OPCML: variants seen among roughly 807,000 people sequenced by gnomAD.
The protein encoded by OPCML is opioid binding protein/cell adhesion molecule like, also known as opioid-binding protein/cell adhesion molecule.
A neutral mutation model predicts 37.8 loss-of-function variants in OPCML; 13 were observed. The ratio of observed to expected loss-of-function variants is 0.34; its 90% CI spans 0.22 to 0.55. The LOEUF (loss-of-function observed/expected upper bound fraction) is 0.55, where lower values mean the gene tolerates loss of function less well. Among genes scored for constraint, OPCML ranks in the 20% least tolerant of loss-of-function variants. OPCML has a pLI of 0.91. For missense variants in OPCML, 341 were observed against 435.6 expected (o/e 0.78, Z 1.93); for synonymous variants, 176 against 168.8 (o/e 1.04, Z -0.33).
At chr11:132,618,948 C>T (rs1939208001) in intron 3 of OPCML, among the ~76,000 whole-genome samples, 1 of 122,600 alleles carries the variant, frequency 8.2e-6, no homozygotes, top group South Asian at 2.8e-4. Context: ...CACACAAGCA[C>T]ACGCATACAC....
chr11:132,711,584 A>T (rs1261878204), intron 2 of OPCML, among the ~76,000 whole-genome samples: 1 of 152,222 alleles, frequency 6.6e-6, no homozygotes, highest in Non-Finnish European at 1.5e-5. Flanking sequence ...CATAGCTAGC[A>T]GTTGTCAGTG....
rs954104555 is a variant in OPCML at position 132,633,972 on chromosome 11, C to T, written c.379+23115G>A. On this transcript the variant is annotated intron_variant, in intron 3 of 7. Transcript: ENST00000524381. The stretch of plus-strand genomic sequence containing the variant: ...CCCAGGTTCTTCCTGTCTTTCTTCT[C>T]CAGTGTGTGGCTTGGACCATCACAG... Among the ~76,000 whole-genome samples the T allele has an allele frequency of 2.0e-5, 3 of 152,174 alleles. No individual in the cohort carries two copies. In the East Asian group the frequency reaches 5.8e-4, roughly 29 times the overall value.
At chr11:132,890,565 G>A (rs948103026) in intron 2 of OPCML, among the ~76,000 whole-genome samples, 1 of 151,806 alleles carries the variant, frequency 6.6e-6, no homozygotes, top group Non-Finnish European at 1.5e-5. Context: ...AAGAAAAATG[G>A]GCCAGGCACG....
intron 1 of OPCML, among the ~76,000 whole-genome samples, chr11:133,237,222 T>C (rs1940554315): frequency 6.6e-6 from 1 of 152,204 alleles, no homozygotes; most frequent in Non-Finnish European, 1.5e-5. Flanking sequence ...GTAGACAACA[T>C]TTAGAAAGGT....
At chr11:132,574,412 T>C (rs919742015) in intron 3 of OPCML, among the ~76,000 whole-genome samples, 4 of 151,766 alleles carry the variant, frequency 2.6e-5, no homozygotes, top group Non-Finnish European at 5.9e-5. Flanking sequence ...ACTTTCCTCT[T>C]AGTATTACTT....
chr11:133,193,106 G>A (rs1938391842), intron 1 of OPCML, among the ~76,000 whole-genome samples: 1 of 152,040 alleles, frequency 6.6e-6, no homozygotes. Flanking sequence ...CCTTCTGGTG[G>A]TGGCAAGATC....
rs543202450 is a variant in OPCML, at chr11:133,314,049, C to A, written c.61+218215G>T. On this transcript the variant is annotated intron_variant, in intron 1 of 7. Coordinates refer to ENST00000524381, the MANE Select transcript of OPCML (RefSeq NM_001012393.5). ...AGGAGATCGAGACCATCCCGGCTAACACGGTGAAACCTCGTCTCTACTAAA... is the reference window on the plus strand; with the variant it reads ...AGGAGATCGAGACCATCCCGGCTAAAACGGTGAAACCTCGTCTCTACTAAA... Among the ~76,000 whole-genome samples the A allele has an allele frequency of 1.3e-3, 201 of 151,156 alleles. 4 individuals carry two copies. The highest frequency in any genetic ancestry group is 0.01 in the Middle Eastern group (3 of 292).
At chr11:132,753,793 A>G (rs1195124850) in intron 2 of OPCML, among the ~76,000 whole-genome samples, 1 of 152,184 alleles carries the variant, frequency 6.6e-6, no homozygotes, top group Non-Finnish European at 1.5e-5. Context: ...GCCCATCAAG[A>G]TTATTTCCAC....
chr11:132,537,227 A>T (rs1471492264), intron 3 of OPCML, among the ~76,000 whole-genome samples: 1 of 152,234 alleles, frequency 6.6e-6, no homozygotes, highest in African/African-American at 2.4e-5. Flanking sequence ...AAAAATCAGC[A>T]TAAGGATAGG....
intron 1 of OPCML, among the ~76,000 whole-genome samples, chr11:133,529,758 G>A (rs1453850920): frequency 6.6e-6 from 1 of 152,058 alleles, no homozygotes; most frequent in Non-Finnish European, 1.5e-5. Flanking sequence ...AATCCCTGTG[G>A]GAGAAAAAGC....
At chr11:133,366,419 C>G (rs930208958) in intron 1 of OPCML, among the ~76,000 whole-genome samples, 7 of 152,138 alleles carry the variant, frequency 4.6e-5, no homozygotes, top group African/African-American at 1.7e-4. Flanking sequence ...AAGCTGAACT[C>G]TTCACCCCTT....
At chr11:132,543,759 G>A (rs745817526) in intron 3 of OPCML, among the ~76,000 whole-genome samples, 8 of 151,944 alleles carry the variant, frequency 5.3e-5, no homozygotes, top group Admixed American at 2.0e-4. Flanking sequence ...CATATATACC[G>A]CCACGTTTTT....
chr11:133,068,888 T>C (rs1948480398), intron 1 of OPCML, among the ~76,000 whole-genome samples: 1 of 152,190 alleles, frequency 6.6e-6, no homozygotes, highest in Non-Finnish European at 1.5e-5. Context: ...AAGAGGTAGG[T>C]GGCGTCGGTC....
At chr11:132,458,092 A>G (rs540603257) in intron 4 of OPCML, among the ~76,000 whole-genome samples, 1 of 152,242 alleles carries the variant, frequency 6.6e-6, no homozygotes, top group African/African-American at 2.4e-5. Flanking sequence ...TTCTATCCTG[A>G]GTGGACAGAG....
At chr11:133,356,356 A>T (rs1009540167) in intron 1 of OPCML, among the ~76,000 whole-genome samples, 7 of 152,214 alleles carry the variant, frequency 4.6e-5, no homozygotes, top group Admixed American at 2.0e-4. Flanking sequence ...TCTAACAAAT[A>T]GTTTTGTTGC....
At chr11:132,909,577 A>G (rs981775688) in intron 2 of OPCML, among the ~76,000 whole-genome samples, 3 of 152,182 alleles carry the variant, frequency 2.0e-5, no homozygotes, top group Non-Finnish European at 4.4e-5. Flanking sequence ...GAGCCTCCCA[A>G]CTGACCAGGC....
At chr11:132,557,215 C>T (rs1393405634) in intron 3 of OPCML, among the ~76,000 whole-genome samples, 2 of 152,056 alleles carry the variant, frequency 1.3e-5, no homozygotes, top group South Asian at 2.1e-4. Flanking sequence ...AGATTATGTC[C>T]GTGGGAGCCA....
chr11:132,679,857 C>A (rs916380846), intron 2 of OPCML, among the ~76,000 whole-genome samples: 1 of 152,110 alleles, frequency 6.6e-6, no homozygotes, highest in Non-Finnish European at 1.5e-5. Flanking sequence ...AAAATTAATG[C>A]TATGATTATG....
intron 4 of OPCML, among the ~76,000 whole-genome samples, chr11:132,499,130 A>T (rs2096240350): frequency 6.6e-6 from 1 of 152,180 alleles, no homozygotes; most frequent in Non-Finnish European, 1.5e-5. Context: ...AAGAACCAAA[A>T]CTGGACAAGG....
Sources: allele counts gnomAD v4.1 joint callset (sites outside exome capture counted in the v4.1 genomes callset), GRCh38; gene constraint gnomAD v4.1.1; transcripts MANE v1.5; gene names NCBI Gene and HGNC (gene_info 2026-07-23, HGNC 2026-07-21).